The following SH2D3C variants were observed in gnomAD, a reference collection of about 807,000 sequenced individuals.
The protein encoded by SH2D3C is SH2 domain-containing protein 3C.
Under a neutral mutation model 75.2 loss-of-function variants are expected in SH2D3C, and 25 were observed. The ratio of observed to expected loss-of-function variants is 0.33; its 90% CI spans 0.24 to 0.46. The LOEUF is 0.46. Ranked by LOEUF, SH2D3C falls within the 20% of genes least tolerant of loss-of-function variation. SH2D3C has a pLI of 1.00. For synonymous variants in SH2D3C, 450 were observed against 473.7 expected, an observed-to-expected ratio of 0.95 and a Z score of 0.65; for missense variants, 933 against 1,165.3, an observed-to-expected ratio of 0.80 and a Z score of 2.90.
intron 2 of SH2D3C, among the ~76,000 whole-genome samples, chr9:127,772,827 T>C (rs1240117930): frequency 6.6e-6 from 1 of 152,026 alleles, no homozygotes; most frequent in Non-Finnish European, 1.5e-5. Context: ...GTGGGGCTAA[T>C]AATTGAATCT....
chr9:127,755,129 G>T, intron 3 of SH2D3C: 1 of 1,221,184 alleles, frequency 8.2e-7, no homozygotes, highest in South Asian at 4.0e-5. Context: ...GCGGCCGACA[G>T]GGCACTCCAC....
chr9:127,777,557 C>G (rs1480340186), intron 1 of SH2D3C, among the ~76,000 whole-genome samples: 1 of 151,634 alleles, frequency 6.6e-6, no homozygotes, highest in Admixed American at 6.6e-5. Flanking sequence ...CATGACGCCC[C>G]CATCCCTCTG....
chr9:127,742,085 G>A (rs141793650), intron 8 of SH2D3C, 126 bp from the exon 9 acceptor site: 237 of 885,888 alleles, frequency 2.7e-4, no homozygotes, highest in Middle Eastern at 3.5e-4. Flanking sequence ...GGTTGTAAGG[G>A]TCAATGGGAT....
Position 127,774,458 on chromosome 9 carries a change from T to G in SH2D3C, c.47A>C (p.Lys16Thr). ...GGAGAGACTCCCAAAGCCCTTGAAC[T>G]TGAAGAACTCTAGCAGAGGGGAAGG... ...KKTSKKFKFF[K>T]FKGFGSLSNL... Residue 16 changes from lysine (K) to threonine (T), a missense_variant, in exon 2 of 12, where the codon AAG (lysine) becomes ACG (threonine). Coordinates refer to ENST00000314830, the MANE Select transcript of SH2D3C (RefSeq NM_170600.3). The surrounding 1 kb of genome is among the most constrained non-coding windows in gnomAD (Gnocchi z 4.3). 1 of 1,518,984 alleles carries G rather than the reference T, an allele frequency of 6.6e-7. No individual in the cohort carries two copies. The highest frequency in any genetic ancestry group is 9.1e-7 in the Non-Finnish European group (1 of 1,093,928). The allele number at this position is 1,518,984 out of a possible 1,614,324, so 94.1% of individuals were successfully genotyped here. A position where few individuals can be genotyped will look rare whatever the true frequency, so the allele number is the denominator to read the frequency against.
rs1189908660 is a variant in SH2D3C at position 127,739,382 on chromosome 9, C to T, written c.2407+300G>A. Among the ~76,000 whole-genome samples, 5 of 151,994 alleles carry T rather than the reference C, an allele frequency of 3.3e-5. No homozygotes were observed. The highest frequency in any genetic ancestry group is 5.9e-5 in the Non-Finnish European group (4 of 68,008). On this transcript the variant is annotated intron_variant, in intron 11 of 11. Transcript: ENST00000314830. The surrounding 1 kb of genome is among the most constrained non-coding windows in gnomAD (Gnocchi z 4.3). ...AAAATTGGCCAGGTATGGTGGCTCA[C>T]GCCTGTAATTGCAGCTACTCGGGAG... is the stretch of plus-strand genomic sequence containing the variant.
chr9:127,754,789 C>T lies in SH2D3C; in HGVS notation c.556-3489G>A, dbSNP rs554275388. On this transcript the variant is annotated intron_variant, in intron 3 of 11. Coordinates refer to ENST00000314830, the MANE Select transcript of SH2D3C (RefSeq NM_170600.3). This position sits in a 1 kb window ranked among gnomAD's most constrained non-coding sequence, Gnocchi z 4.4. ...ACGCCGGAGACCCCATCTCCCAGTC[C>T]CCCCTGCCCCAGCTCTCTCCCTCCT... The T allele has an allele frequency of 4.2e-4, 202 of 478,878 alleles. No homozygotes were observed. The highest frequency in any genetic ancestry group is 3.3e-3 in the African/African-American group (165 of 50,322). The allele number at this position is 478,878 out of a possible 1,614,324, so 29.7% of individuals were successfully genotyped here. A position where few individuals can be genotyped will look rare whatever the true frequency, so the allele number is the denominator to read the frequency against.
chr9:127,756,942 T>G (rs1845398256), intron 3 of SH2D3C, among the ~76,000 whole-genome samples: 1 of 152,066 alleles, frequency 6.6e-6, no homozygotes, highest in African/African-American at 2.4e-5. Context: ...TGTTCTTGTT[T>G]TTTTGAGACA....
chr9:127,761,672 G>A, intron 2 of SH2D3C, 22 bp from the exon 3 acceptor site: 1 of 1,607,390 alleles, frequency 6.2e-7, no homozygotes, highest in South Asian at 1.1e-5. Context: ...AAAGACAAGT[G>A]AGCATCCCCA....
Position 127,742,084 on chromosome 9 carries a change from G to C in SH2D3C, c.1917-125C>G, listed in dbSNP as rs947667421. The C allele has an allele frequency of 7.8e-6, 7 of 894,906 alleles. No homozygotes were observed. The African/African-American group carries it at 1.0e-4, about 13-fold the overall frequency. The allele number at this position is 894,906 out of a possible 1,614,324, so 55.4% of individuals were successfully genotyped here. On this transcript the variant is annotated intron_variant, in intron 8 of 11. Coordinates refer to ENST00000314830, the MANE Select transcript of SH2D3C (RefSeq NM_170600.3). ...CGGAGCCAACGTGAGAGGTTGTAAG[G>C]GTCAATGGGATAAGGGGGCGCGGCC...
chr9:127,762,603 T>G (rs1845555442), intron 2 of SH2D3C, among the ~76,000 whole-genome samples: 1 of 152,174 alleles, frequency 6.6e-6, no homozygotes, highest in Non-Finnish European at 1.5e-5. Flanking sequence ...ATCCTGCCGC[T>G]CCGCCGTCAG....
intron 2 of SH2D3C, 133 bp from the exon 3 acceptor site, chr9:127,761,783 G>C (rs1845533219): frequency 1.6e-6 from 1 of 640,702 alleles, no homozygotes; most frequent in Non-Finnish European, 2.6e-6. Context: ...GCAGGAGGGG[G>C]CACTTATCAG....
At position 127,754,929 on chromosome 9, in the gene SH2D3C, C is replaced by T. The variant is rs1845322281; in HGVS notation, c.556-3629G>A. 2 of 512,332 alleles carry T rather than the reference C, an allele frequency of 3.9e-6. No homozygotes were observed. The highest frequency in any genetic ancestry group is 5.5e-4 in the Middle Eastern group (1 of 1,808). The allele number at this position is 512,332 out of a possible 1,614,324, so 31.7% of individuals were successfully genotyped here. On this transcript the variant is annotated intron_variant, in intron 3 of 11. Coordinates refer to ENST00000314830, the MANE Select transcript of SH2D3C (RefSeq NM_170600.3). This position sits in a 1 kb window ranked among gnomAD's most constrained non-coding sequence, Gnocchi z 4.4. ...CCCAGAGGTGAGGCTGGGGTGACCC[C>T]GCCCCCTCCCCGGGTCGGCCGGGCC...
intron 2 of SH2D3C, among the ~76,000 whole-genome samples, chr9:127,771,604 C>A (rs1845741380): frequency 6.6e-6 from 1 of 152,196 alleles, no homozygotes; most frequent in Non-Finnish European, 1.5e-5. Flanking sequence ...CCTAGACACG[C>A]CCTCAACTCC....
At position 127,754,642 on chromosome 9, in the gene SH2D3C, C is replaced by G. The variant is rs1845306215; in HGVS notation, c.556-3342G>C. The stretch of plus-strand genomic sequence containing the variant: ...GCCCCAACCCTGGCATCCGAAGCAT[C>G]CCCCGCGTTTCCTGCTCCTCACTCA... On this transcript the variant is annotated intron_variant, in intron 3 of 11. Coordinates refer to ENST00000314830, the MANE Select transcript of SH2D3C (RefSeq NM_170600.3). The surrounding 1 kb of genome is among the most constrained non-coding windows in gnomAD (Gnocchi z 4.4). Among the ~76,000 whole-genome samples, 1 of 152,146 alleles carries G rather than the reference C, an allele frequency of 6.6e-6. No homozygotes were observed. The highest frequency in any genetic ancestry group is 6.5e-5 in the Admixed American group (1 of 15,276).
chr9:127,743,323 C>T (rs1384028586), intron 7 of SH2D3C, among the ~76,000 whole-genome samples: 3 of 152,004 alleles, frequency 2.0e-5, no homozygotes, highest in Admixed American at 6.6e-5. Context: ...GCCAACATGG[C>T]GAAACCCCAT....
In SH2D3C at chr9:127,764,370, C is replaced by T. The variant is rs567107089; in HGVS notation, c.516-2720G>A. 2.6e-5 allele frequency among the ~76,000 whole-genome samples: 4 copies of T among 152,324 alleles called. No homozygotes were observed. The South Asian group carries it at 8.3e-4, about 32-fold the overall frequency. On this transcript the variant is annotated intron_variant, in intron 2 of 11. Coordinates refer to ENST00000314830, the MANE Select transcript of SH2D3C (RefSeq NM_170600.3). ...TGCCATCACTTGCCTGGACTATCAC[C>T]ACCACCTCCCACTGGCTTCCCTGCC...
intron 2 of SH2D3C, among the ~76,000 whole-genome samples, chr9:127,766,280 GGA>G (rs891437285): frequency 4.6e-5 from 7 of 152,326 alleles, no homozygotes; most frequent in African/African-American, 1.7e-4. Flanking sequence ...GTCCTCAAGT[GGA>G]GACCTCCCCA....
chr9:127,739,979 G>T lies in SH2D3C; in HGVS notation c.2201-91C>A. 2 of 1,242,312 alleles carry T rather than the reference G, an allele frequency of 1.6e-6. No homozygotes were observed. Among genetic ancestry groups the T allele is most frequent in the Non-Finnish European group, 1.1e-6 (1 of 908,258 alleles). The allele number at this position is 1,242,312 out of a possible 1,614,324, so 77.0% of individuals were successfully genotyped here. ...GAAGCTGAGGTGCAGGAGGGAACGG[G>T]CCTGGCTGAGGTCCGGGAGAGAGCC... On this transcript the variant is annotated intron_variant, in intron 10 of 11. Coordinates refer to ENST00000314830, the MANE Select transcript of SH2D3C (RefSeq NM_170600.3). The surrounding 1 kb of genome is among the most constrained non-coding windows in gnomAD (Gnocchi z 4.3).
intron 2 of SH2D3C, among the ~76,000 whole-genome samples, chr9:127,768,216 C>CATG (rs1479174989): frequency 6.6e-6 from 1 of 152,162 alleles, no homozygotes; most frequent in African/African-American, 2.4e-5. Context: ...CAGCTGACGT[C>CATG]ACCCTGCAGG....
Sources: allele counts gnomAD v4.1 joint callset (sites outside exome capture counted in the v4.1 genomes callset), GRCh38; gene constraint gnomAD v4.1.1; non-coding constraint Gnocchi (gnomAD v3.1); transcripts MANE v1.5; gene names NCBI Gene and HGNC (gene_info 2026-07-23, HGNC 2026-07-21).